PIEZO2: variants seen among roughly 807,000 people sequenced by gnomAD.
The protein encoded by PIEZO2 is piezo type mechanosensitive ion channel component 2, also known as piezo-type mechanosensitive ion channel component 2.
PIEZO2 carries 172 observed loss-of-function variants against 337.3 expected under a neutral mutation model. The ratio of observed to expected loss-of-function variants is 0.51; its 90% CI spans 0.45 to 0.58. PIEZO2 has a LOEUF of 0.58. Among genes scored for constraint, PIEZO2 ranks in the 20% least tolerant of loss-of-function variants. The pLI is 0.00. For missense variants in PIEZO2, 3,028 were observed against 3,391.3 expected, an observed-to-expected ratio of 0.89 and a Z score of 2.66; for synonymous variants, 1,251 against 1,228.5, an observed-to-expected ratio of 1.02 and a Z score of -0.38.
chr18:10,795,129 G>T lies in PIEZO2; in HGVS notation c.1528-127C>A. ...TTCAAACCAGGGAGAGTAGAGAGTTGTGGTGGAGTGATGGAGACCCCAAGC... is the reference window on the plus strand; with the variant it reads ...TTCAAACCAGGGAGAGTAGAGAGTTTTGGTGGAGTGATGGAGACCCCAAGC... On this transcript the variant is annotated intron_variant, in intron 12 of 55. Transcript: ENST00000674853. This position sits in a 1 kb window ranked among gnomAD's most constrained non-coding sequence, Gnocchi z 4.4. 1.2e-6 allele frequency: 1 copy of T among 820,410 alleles called. No homozygotes were observed. Among genetic ancestry groups the T allele is most frequent in the Non-Finnish European group, 1.9e-6 (1 of 534,288 alleles). The allele number at this position is 820,410 out of a possible 1,614,324, so 50.8% of individuals were successfully genotyped here.
intron 43 of PIEZO2, among the ~76,000 whole-genome samples, chr18:10,699,550 C>A (rs2035245974): frequency 6.6e-6 from 1 of 152,150 alleles, no homozygotes; most frequent in Non-Finnish European, 1.5e-5. Context: ...GCCTCCCCAG[C>A]CGTGTGGAAC....
chr18:10,809,819 T>C (rs1015195259), intron 7 of PIEZO2, among the ~76,000 whole-genome samples: 2 of 152,168 alleles, frequency 1.3e-5, no homozygotes, highest in Non-Finnish European at 2.9e-5. Context: ...ACTAAGGCCA[T>C]GTGCTAGCTT....
In PIEZO2 at chr18:11,018,216, TG is replaced by T. The variant is rs2036186618; in HGVS notation, c.161-38557del. Among the ~76,000 whole-genome samples the T allele has an allele frequency of 4.5e-5, 6 of 134,232 alleles. No homozygotes were observed. The South Asian group carries it at 6.8e-4, about 15-fold the overall frequency. The allele number at this position is 134,232 out of a possible 152,430, so 88.1% of individuals were successfully genotyped here. On this transcript the variant is annotated intron_variant, in intron 2 of 55. Coordinates refer to ENST00000674853, the MANE Select transcript of PIEZO2 (RefSeq NM_001378183.1). The stretch of plus-strand genomic sequence containing the variant: ...ATGGTGGTGGTGGTGGTGGTGGTGG[TG>T]GTGGTGTGTGTGTGTGTGTGTGTGT...
intron 1 of PIEZO2, among the ~76,000 whole-genome samples, chr18:11,095,710 C>T (rs1462504525): frequency 1.3e-5 from 2 of 152,328 alleles, no homozygotes; most frequent in African/African-American, 4.8e-5. Flanking sequence ...ATAACCTCAA[C>T]ATGAACCCCT....
chr18:10,875,618 T>C (rs2042249449), intron 4 of PIEZO2, among the ~76,000 whole-genome samples: 1 of 152,112 alleles, frequency 6.6e-6, no homozygotes, highest in Admixed American at 6.6e-5. Context: ...AAAAGCACCA[T>C]CCAAGTACAG....
chr18:10,957,294 G>A (rs1469261961), intron 3 of PIEZO2, among the ~76,000 whole-genome samples: 2 of 152,020 alleles, frequency 1.3e-5, no homozygotes, highest in Non-Finnish European at 2.9e-5. Context: ...CTACTTGGGG[G>A]GCTGAGGTAA....
Position 10,727,117 on chromosome 18 carries a change from C to T in PIEZO2, c.5029+4290G>A. On this transcript the variant is annotated intron_variant, in intron 36 of 55. Coordinates refer to ENST00000674853, the MANE Select transcript of PIEZO2 (RefSeq NM_001378183.1). This position sits in a 1 kb window ranked among gnomAD's most constrained non-coding sequence, Gnocchi z 6.3. ...CAAAGGGTTTGTGTCCCTTGCTAGC[C>T]TCCCTGGGGCCTGGGGATCTGCAGC... The T allele has an allele frequency of 8.7e-6, 4 of 458,308 alleles. No homozygotes were observed. Among genetic ancestry groups the T allele is most frequent in the East Asian group, 7.2e-5 (2 of 27,594 alleles). The allele number at this position is 458,308 out of a possible 1,614,324, so 28.4% of individuals were successfully genotyped here.
At chr18:10,787,304 G>T in intron 15 of PIEZO2, 120 bp from the exon 16 acceptor site, 1 of 1,036,230 alleles carries the variant, frequency 9.7e-7, no homozygotes, top group Non-Finnish European at 1.4e-6. Flanking sequence ...TGAAAATAAA[G>T]TCTATTTCAT....
Position 11,033,437 on chromosome 18 carries a change from T to C in PIEZO2, c.160+32690A>G, listed in dbSNP as rs1044768683. Among the ~76,000 whole-genome samples the C allele has an allele frequency of 1.3e-5, 2 of 152,236 alleles. No individual in the cohort carries two copies. Among genetic ancestry groups the C allele is most frequent in the Non-Finnish European group, 2.9e-5 (2 of 68,050 alleles). On this transcript the variant is annotated intron_variant, in intron 2 of 55. Coordinates refer to ENST00000674853, the MANE Select transcript of PIEZO2 (RefSeq NM_001378183.1). The surrounding 1 kb of genome is among the most constrained non-coding windows in gnomAD (Gnocchi z 4.2). ...GAACATTCTATCTGTCATGGATTTGTATTTAGACTGTGATTAATGTCAAAG... is the reference window on the plus strand; with the variant it reads ...GAACATTCTATCTGTCATGGATTTGCATTTAGACTGTGATTAATGTCAAAG...
chr18:10,758,810 T>A (rs1437899836), intron 26 of PIEZO2, among the ~76,000 whole-genome samples: 1 of 152,214 alleles, frequency 6.6e-6, no homozygotes, highest in African/African-American at 2.4e-5. Flanking sequence ...TGGACTGTGC[T>A]GGACAGCACA....
rs2039513879 is a variant in PIEZO2, at chr18:11,104,768, A to G, written c.65-38546T>C. On this transcript the variant is annotated intron_variant, in intron 1 of 55. Coordinates refer to ENST00000674853, the MANE Select transcript of PIEZO2 (RefSeq NM_001378183.1). This position sits in a 1 kb window ranked among gnomAD's most constrained non-coding sequence, Gnocchi z 4.6. ...GCAAAGCACTGAGATGTTGGGACAT[A>G]ACTACAATGCAGTATAACGGCGCCT... Among the ~76,000 whole-genome samples the G allele has an allele frequency of 6.6e-6, 1 of 152,218 alleles. No homozygotes were observed. The highest frequency in any genetic ancestry group is 2.1e-4 in the South Asian group (1 of 4,826).
chr18:11,032,733 A>G lies in PIEZO2; in HGVS notation c.160+33394T>C, dbSNP rs1004825856. Among the ~76,000 whole-genome samples, 8 of 152,234 alleles carry G rather than the reference A, an allele frequency of 5.3e-5. No homozygotes were observed. The highest frequency in any genetic ancestry group is 1.9e-4 in the African/African-American group (8 of 41,464). On this transcript the variant is annotated intron_variant, in intron 2 of 55. Transcript: ENST00000674853. This position sits in a 1 kb window ranked among gnomAD's most constrained non-coding sequence, Gnocchi z 4.9. Reference sequence around the variant, plus strand: ...CATGTGTGTGTGTGAATATGTGCACACATACAGATGTAGAGTTTTCTAGAC... The same window carrying G: ...CATGTGTGTGTGTGAATATGTGCACGCATACAGATGTAGAGTTTTCTAGAC...
intron 1 of PIEZO2, among the ~76,000 whole-genome samples, chr18:11,140,036 C>T (rs1360549601): frequency 6.6e-6 from 1 of 152,128 alleles, no homozygotes; most frequent in East Asian, 1.9e-4. Flanking sequence ...TCACATGGCC[C>T]CTGCCACCTG....
In PIEZO2 at chr18:11,102,934, A is replaced by G. The variant is rs1444170925; in HGVS notation, c.65-36712T>C. ...TATTTTTCCAGCTGTAATTTTAAAAATCCCAGGGAAGGACTCTCACTGGTC... is the reference window on the plus strand; with the variant it reads ...TATTTTTCCAGCTGTAATTTTAAAAGTCCCAGGGAAGGACTCTCACTGGTC... On this transcript the variant is annotated intron_variant, in intron 1 of 55. Transcript: ENST00000674853. The surrounding 1 kb of genome is among the most constrained non-coding windows in gnomAD (Gnocchi z 5.7). 6.6e-6 allele frequency among the ~76,000 whole-genome samples: 1 copy of G among 152,144 alleles called. No homozygotes were observed. The highest frequency in any genetic ancestry group is 6.5e-5 in the Admixed American group (1 of 15,280).
At chr18:11,018,191 ATGGTGGTGGTGG>A (rs759749235) in intron 2 of PIEZO2, among the ~76,000 whole-genome samples, 4 of 143,274 alleles carry the variant, frequency 2.8e-5, no homozygotes, top group East Asian at 2.3e-4. Context: ...CAGTCATCGC[ATGGTGGTGGTGG>A]TGGTGGTGGT....
chr18:11,012,832 C>A (rs2035951775), intron 2 of PIEZO2, among the ~76,000 whole-genome samples: 1 of 152,160 alleles, frequency 6.6e-6, no homozygotes, highest in African/African-American at 2.4e-5. Context: ...ATCACTTGAG[C>A]CCAGGAGTTC....
At position 10,882,170 on chromosome 18, in the gene PIEZO2, C is replaced by T. The variant is rs775985702; in HGVS notation, c.330-10755G>A. ...CACCTTCTCCAGGCATCCGAGAGCT[C>T]CCCATGTGTTTACTTGGCTGATTCC... On this transcript the variant is annotated intron_variant, in intron 4 of 55. Coordinates refer to ENST00000674853, the MANE Select transcript of PIEZO2 (RefSeq NM_001378183.1). Among the ~76,000 whole-genome samples the T allele has an allele frequency of 1.0e-3, 157 of 152,328 alleles. 2 individuals carry two copies. The highest frequency in any genetic ancestry group is 5.8e-3 in the Admixed American group (89 of 15,304).
rs1479233218 is a variant in PIEZO2, at chr18:11,097,103, GA to G, written c.65-30882del. On this transcript the variant is annotated intron_variant, in intron 1 of 55. Coordinates refer to ENST00000674853, the MANE Select transcript of PIEZO2 (RefSeq NM_001378183.1). The surrounding 1 kb of genome is among the most constrained non-coding windows in gnomAD (Gnocchi z 5.0). The stretch of plus-strand genomic sequence containing the variant: ...ACAAGGCAATTTCATCCTCTCCTTG[GA>G]AATTGTCCCTGCTCCATTTTCGGCA... Among the ~76,000 whole-genome samples, 12 of 152,198 alleles carry G rather than the reference GA, an allele frequency of 7.9e-5. No homozygotes were observed. The East Asian group carries it at 2.1e-3, about 27-fold the overall frequency.
intron 28 of PIEZO2, among the ~76,000 whole-genome samples, chr18:10,751,274 G>A (rs186082289): frequency 9.9e-4 from 151 of 152,174 alleles, no homozygotes; most frequent in African/African-American, 3.3e-3. Context: ...ACAGGTTTAC[G>A]GAATGAATGA....
Sources: gnomAD v4.1 joint callset for allele counts (sites outside exome capture counted in the v4.1 genomes callset) on GRCh38, gnomAD v4.1.1 for gene constraint, Gnocchi (gnomAD v3.1) non-coding constraint, MANE v1.5 for transcripts, NCBI Gene and HGNC (gene_info 2026-07-23, HGNC 2026-07-21) for gene names.